KALRN: variants seen among roughly 807,000 people sequenced by gnomAD.
KALRN encodes the protein kalirin RhoGEF kinase.
Under a neutral mutation model 353.7 loss-of-function variants are expected in KALRN, and 70 were observed. That is an observed-to-expected ratio of 0.20 (90% CI 0.16 to 0.24). KALRN has a LOEUF of 0.24. Among genes scored for constraint, KALRN ranks in the 10% least tolerant of loss-of-function variants. KALRN has a pLI of 1.00. For synonymous variants in KALRN, 1,391 were observed against 1,434.8 expected, an observed-to-expected ratio of 0.97 and a Z score of 0.69; for missense variants, 2,791 against 3,756.7, an observed-to-expected ratio of 0.74 and a Z score of 6.72.
intron 15 of KALRN, among the ~76,000 whole-genome samples, chr3:124,427,287 A>G (rs971889898): frequency 1.3e-5 from 2 of 152,236 alleles, no homozygotes; most frequent in East Asian, 1.9e-4. Flanking sequence ...CTCATAGACC[A>G]TGGATTTTTA....
chr3:124,324,972 T>A (rs1275204430), intron 6 of KALRN, among the ~76,000 whole-genome samples: 1 of 152,230 alleles, frequency 6.6e-6, no homozygotes, highest in Non-Finnish European at 1.5e-5. Flanking sequence ...AAAAGCTCCC[T>A]GTGGATGCCA....
At chr3:124,291,533 ATATT>A (rs2076421105) in intron 5 of KALRN, among the ~76,000 whole-genome samples, 2 of 152,194 alleles carry the variant, frequency 1.3e-5, no homozygotes, top group Non-Finnish European at 2.9e-5. Context: ...TCGTAGTGGG[ATATT>A]TGGCTGTTTC....
intron 34 of KALRN, among the ~76,000 whole-genome samples, chr3:124,626,421 G>A (rs974897756): frequency 6.6e-6 from 1 of 152,024 alleles, no homozygotes; most frequent in Non-Finnish European, 1.5e-5. Context: ...CTATATCTAG[G>A]TGATGAGTAC....
At chr3:124,666,080 C>T (rs1289442943) in intron 45 of KALRN, among the ~76,000 whole-genome samples, 50 of 152,132 alleles carry the variant, frequency 3.3e-4, no homozygotes, top group Admixed American at 6.5e-5. Flanking sequence ...GATGGAAAGG[C>T]CACTTGCAGC....
intron 51 of KALRN, among the ~76,000 whole-genome samples, chr3:124,687,368 TG>T (rs1452483837): frequency 8.5e-5 from 13 of 152,318 alleles, no homozygotes; most frequent in African/African-American, 3.1e-4. Flanking sequence ...ACTCCTAGGC[TG>T]CCAGGAGCAG....
At chr3:124,193,278 C>G (rs1489034196) in intron 1 of KALRN, among the ~76,000 whole-genome samples, 1 of 152,064 alleles carries the variant, frequency 6.6e-6, no homozygotes, top group Non-Finnish European at 1.5e-5. Context: ...CTTCCTCAGC[C>G]TCTCTCACTC....
At chr3:124,276,373 A>G (rs1459147874) in intron 5 of KALRN, among the ~76,000 whole-genome samples, 2 of 152,046 alleles carry the variant, frequency 1.3e-5, no homozygotes, top group African/African-American at 4.8e-5. Context: ...ATCCACTGCT[A>G]TTTCCTGTCC....
At position 124,671,727 on chromosome 3, in the gene KALRN, C is replaced by T. The variant is rs939093807; in HGVS notation, c.6771C>T (p.Ala2257=). 1 of 1,614,130 alleles carries T rather than the reference C, an allele frequency of 6.2e-7. No individual in the cohort carries two copies. Among genetic ancestry groups the T allele is most frequent in the Non-Finnish European group, 8.5e-7 (1 of 1,180,006 alleles). The change falls in exon 48 of 60, where the codon GCC becomes GCT. Residue 2257 remains alanine (A), a synonymous_variant. Coordinates refer to ENST00000682506, the MANE Select transcript of KALRN (RefSeq NM_001388419.1). ...RSTAVMRSQP[A]RLPQASPRPY... ...CAGCTGTGATGAGGTCTCAACCTGC[C>T]AGGCTTCCCCAAGCCAGCCCCAGGC...
chr3:124,430,659 C>T lies in KALRN; in HGVS notation c.2713C>T (p.Leu905=), dbSNP rs138919966. Residue 905 remains leucine, a synonymous_variant, in exon 16 of 60, where the codon CTG becomes TTG. Coordinates refer to ENST00000682506, the MANE Select transcript of KALRN (RefSeq NM_001388419.1). ...RHLQAEVKQV[L]GWIRNGESML... is the part of the protein sequence containing the mutation. ...TGTGCTTGTCCCGATTCCCTAGGTTCTGGGATGGATCCGCAATGGAGAGTC... is the reference window on the plus strand; with the variant it reads ...TGTGCTTGTCCCGATTCCCTAGGTTTTGGGATGGATCCGCAATGGAGAGTC... 301 of 1,614,098 alleles carry T rather than the reference C, an allele frequency of 1.9e-4. 2 individuals are homozygous for T. The East Asian group carries it at 5.5e-3, about 29-fold the overall frequency.
At chr3:124,154,529 A>G (rs894291452) in intron 1 of KALRN, among the ~76,000 whole-genome samples, 3 of 152,228 alleles carry the variant, frequency 2.0e-5, no homozygotes, top group Middle Eastern at 3.2e-3. Context: ...AAAGAGAATA[A>G]AATACTTAGG....
chr3:124,248,445 C>A (rs561675002), intron 3 of KALRN, among the ~76,000 whole-genome samples: 3 of 152,286 alleles, frequency 2.0e-5, no homozygotes, highest in African/African-American at 7.2e-5. Flanking sequence ...TGCCAGGGGA[C>A]GGAGCATGGA....
At chr3:124,482,715 C>G (rs1032253307) in intron 27 of KALRN, 93 bp from the exon 28 acceptor site, 6 of 812,928 alleles carry the variant, frequency 7.4e-6, no homozygotes, top group Non-Finnish European at 1.3e-5. Flanking sequence ...TCTCTTTCTT[C>G]CTCTCTTCTG....
At chr3:124,611,640 C>T (rs1339152815) in intron 34 of KALRN, among the ~76,000 whole-genome samples, 1 of 152,200 alleles carries the variant, frequency 6.6e-6, no homozygotes, top group East Asian at 1.9e-4. Flanking sequence ...TATTGCATCA[C>T]CTATGTCACA....
At chr3:124,353,192 A>G (rs558599127) in intron 10 of KALRN, among the ~76,000 whole-genome samples, 6 of 152,208 alleles carry the variant, frequency 3.9e-5, no homozygotes, top group Non-Finnish European at 8.8e-5. Flanking sequence ...AAATCATTCA[A>G]AATAGGTAAG....
chr3:124,575,309 T>C (rs2073985450), intron 34 of KALRN, among the ~76,000 whole-genome samples: 1 of 152,220 alleles, frequency 6.6e-6, no homozygotes, highest in African/African-American at 2.4e-5. Context: ...GAACAGATAA[T>C]TGCCCCGTTG....
intron 5 of KALRN, among the ~76,000 whole-genome samples, chr3:124,280,083 A>T (rs750369013): frequency 1.3e-5 from 2 of 152,206 alleles, no homozygotes; most frequent in African/African-American, 2.4e-5. Context: ...TAACCAGTGG[A>T]CCACGAGGAA....
chr3:124,481,102 C>G (rs1424391024), intron 27 of KALRN, among the ~76,000 whole-genome samples: 1 of 152,122 alleles, frequency 6.6e-6, no homozygotes, highest in Non-Finnish European at 1.5e-5. Flanking sequence ...GTCTTTCTGT[C>G]TCTATTTCTC....
intron 10 of KALRN, among the ~76,000 whole-genome samples, chr3:124,371,180 G>T (rs1323424596): frequency 6.6e-6 from 1 of 152,120 alleles, no homozygotes; most frequent in Non-Finnish European, 1.5e-5. Context: ...TTCCTGTTCA[G>T]GTATGTTATG....
intron 34 of KALRN, among the ~76,000 whole-genome samples, chr3:124,591,909 T>C (rs2075812491): frequency 6.6e-6 from 1 of 152,164 alleles, no homozygotes; most frequent in Non-Finnish European, 1.5e-5. Context: ...GTGGTGGGAA[T>C]TTCCTTTTTA....
Sources: allele counts gnomAD v4.1 joint callset (sites outside exome capture counted in the v4.1 genomes callset), GRCh38; gene constraint gnomAD v4.1.1; transcripts MANE v1.5; gene names NCBI Gene and HGNC (gene_info 2026-07-23, HGNC 2026-07-21).